The following SLC8A1 variants were observed in gnomAD, a reference collection of about 807,000 sequenced individuals.
SLC8A1 encodes the protein sodium/calcium exchanger 1.
In SLC8A1, 18 loss-of-function variants were observed where a neutral mutation model predicts 68.3. The ratio of observed to expected loss-of-function variants is 0.26; its 90% confidence interval spans 0.18 to 0.39. The LOEUF is 0.39. SLC8A1 is among the 10% of genes least tolerant of loss of function. SLC8A1 has a pLI of 1.00. For missense variants in SLC8A1, 985 were observed against 1,156.7 expected, an observed-to-expected ratio of 0.85 and a Z score of 2.15; for synonymous variants, 475 against 415.5, an observed-to-expected ratio of 1.14 and a Z score of -1.74.
At chr2:40,178,359 G>A (rs761703994) in intron 2 of SLC8A1, 28 bp downstream of exon 3, 1 of 1,572,952 alleles carries the variant, frequency 6.4e-7, no homozygotes, top group South Asian at 1.1e-5. Flanking sequence ...AGAAGCTGTT[G>A]GGCTCAGCCC....
exon 8 of SLC8A1, chr2:40,108,366 T>C (rs1234004894): frequency 6.6e-6 from 1 of 152,206 alleles, no homozygotes. Flanking sequence ...CGAATATAAA[T>C]TGTACTGTTG....
intron 2 of SLC8A1, among the ~76,000 whole-genome samples, chr2:40,379,664 A>G (rs888297174): frequency 1.3e-5 from 2 of 151,056 alleles, no homozygotes; most frequent in Non-Finnish European, 2.9e-5. Context: ...TTCCCTGCAG[A>G]GAATGTGTCT....
chr2:40,293,844 CA>C (rs139640404), intron 2 of SLC8A1, among the ~76,000 whole-genome samples: 23 of 151,556 alleles, frequency 1.5e-4, no homozygotes, highest in South Asian at 4.2e-4. Flanking sequence ...TCATAAAAAA[CA>C]AAAAAAATCA....
intron 2 of SLC8A1, among the ~76,000 whole-genome samples, chr2:40,277,492 A>G (rs1178162458): frequency 6.6e-6 from 1 of 152,092 alleles, no homozygotes; most frequent in Non-Finnish European, 1.5e-5. Context: ...GTGAGCTGAG[A>G]TACGACCACT....
At chr2:40,352,008 G>T (rs528385733) in intron 2 of SLC8A1, among the ~76,000 whole-genome samples, 1 of 152,114 alleles carries the variant, frequency 6.6e-6, no homozygotes, top group Non-Finnish European at 1.5e-5. Context: ...CTAAAATAAG[G>T]AAACATGAAA....
rs533360414 is a variant in SLC8A1 at position 40,380,645 on chromosome 2, C to G, written c.1808+47828G>C. On this transcript the variant is annotated intron_variant, in intron 2 of 7. Coordinates refer to ENST00000406785, the Ensembl canonical transcript of SLC8A1. ...TCCTAAAGCAAAATAAAGTAGCTTA[C>G]GGCAAGTGATGAGTGCCTTAATTAT... Among the ~76,000 whole-genome samples the G allele has an allele frequency of 5.9e-5, 9 of 152,060 alleles. No individual in the cohort carries two copies. In the East Asian group the frequency reaches 1.2e-3, roughly 20 times the overall value.
At chr2:40,306,783 G>C (rs1211109831) in intron 2 of SLC8A1, among the ~76,000 whole-genome samples, 1 of 152,116 alleles carries the variant, frequency 6.6e-6, no homozygotes, top group African/African-American at 2.4e-5. Context: ...CGGCTGGTTG[G>C]CCAGGTGAAG....
intron 2 of SLC8A1, among the ~76,000 whole-genome samples, chr2:40,210,962 T>C (rs1406501721): frequency 3.9e-5 from 6 of 152,242 alleles, no homozygotes; most frequent in Non-Finnish European, 8.8e-5. Context: ...ACACAGGACA[T>C]AGTCCTTGCT....
intron 2 of SLC8A1, among the ~76,000 whole-genome samples, chr2:40,374,844 C>CT (rs912226929): frequency 3.9e-5 from 6 of 151,922 alleles, no homozygotes; most frequent in Non-Finnish European, 8.8e-5. Flanking sequence ...TGTTTAAGGA[C>CT]TTTTTTTAAG....
intron 2 of SLC8A1, among the ~76,000 whole-genome samples, chr2:40,268,793 C>A (rs564385590): frequency 2.6e-5 from 4 of 152,076 alleles, no homozygotes; most frequent in African/African-American, 9.6e-5. Context: ...AGAGAAAGTC[C>A]AACACTTAAG....
intron 2 of SLC8A1, among the ~76,000 whole-genome samples, chr2:40,245,732 T>G (rs1467327626): frequency 6.6e-6 from 1 of 152,140 alleles, no homozygotes; most frequent in African/African-American, 2.4e-5. Context: ...TGCTCTCCTG[T>G]GATGTATATT....
chr2:40,131,712 T>G (rs2148209224), intron 7 of SLC8A1, among the ~76,000 whole-genome samples: 1 of 152,304 alleles, frequency 6.6e-6, no homozygotes, highest in East Asian at 1.9e-4. Flanking sequence ...GTCCTCAACA[T>G]GCCCTTCCTG....
intron 2 of SLC8A1, among the ~76,000 whole-genome samples, chr2:40,234,658 G>A (rs1354046533): frequency 2.6e-5 from 4 of 152,180 alleles, no homozygotes; most frequent in Non-Finnish European, 5.9e-5. Context: ...TGGTGAGAGA[G>A]GGCATCCCTG....
intron 2 of SLC8A1, among the ~76,000 whole-genome samples, chr2:40,372,536 G>C (rs1559425844): frequency 6.6e-6 from 1 of 152,072 alleles, no homozygotes; most frequent in Admixed American, 6.6e-5. Flanking sequence ...CTGTGGGCTT[G>C]ACCGCCCCAT....
chr2:40,316,758 C>A (rs577574947), intron 2 of SLC8A1, among the ~76,000 whole-genome samples: 1 of 152,048 alleles, frequency 6.6e-6, no homozygotes, highest in South Asian at 2.1e-4. Flanking sequence ...GTCCAAAATA[C>A]CTCCCTCCCC....
At chr2:40,246,956 T>C (rs937655743) in intron 2 of SLC8A1, among the ~76,000 whole-genome samples, 2 of 152,096 alleles carry the variant, frequency 1.3e-5, no homozygotes, top group African/African-American at 4.8e-5. Flanking sequence ...AAAAAGAATA[T>C]TTTCCATTAT....
chr2:40,166,790 A>C (rs1185373126), intron 4 of SLC8A1, among the ~76,000 whole-genome samples: 4 of 152,224 alleles, frequency 2.6e-5, no homozygotes, highest in Non-Finnish European at 4.4e-5. Flanking sequence ...TTTTCATAGC[A>C]GTAGTTTATG....
chr2:40,110,686 T>C (rs1268181818), exon 8 of SLC8A1: 1 of 152,148 alleles, frequency 6.6e-6, no homozygotes, highest in East Asian at 1.9e-4. Context: ...TTCTTGAGAT[T>C]ATGAAACTAC....
intron 2 of SLC8A1, among the ~76,000 whole-genome samples, chr2:40,250,081 C>A (rs2062502770): frequency 6.6e-6 from 1 of 152,084 alleles, no homozygotes; most frequent in Non-Finnish European, 1.5e-5. Context: ...AGCTACAGAA[C>A]AATTCCTTAG....
Sources: allele counts gnomAD v4.1 joint callset (sites outside exome capture counted in the v4.1 genomes callset), GRCh38; gene constraint gnomAD v4.1.1; transcripts MANE v1.5; gene names NCBI Gene and HGNC (gene_info 2026-07-23, HGNC 2026-07-21).